The following TNS3 variants were observed in gnomAD, a reference collection of about 807,000 sequenced individuals.
TNS3 encodes the protein tensin-3.
Under a neutral mutation model 140.9 loss-of-function variants are expected in TNS3, and 45 were observed. The observed-to-expected ratio is 0.32, with a 90% CI of 0.25 to 0.41. The LOEUF is 0.41. Among genes scored for constraint, TNS3 ranks in the 10% least tolerant of loss-of-function variants. The probability of loss-of-function intolerance (pLI) is 1.00; values close to 1 mark genes in which losing one functional copy is unlikely to be tolerated. For synonymous variants in TNS3, 815 were observed against 788.4 expected (o/e 1.03, Z -0.56); for missense variants, 1,716 against 1,906.7 (o/e 0.90, Z 1.86).
intron 9 of TNS3, among the ~76,000 whole-genome samples, chr7:47,426,090 G>A (rs1262026861): frequency 6.6e-6 from 1 of 152,110 alleles, no homozygotes; most frequent in Non-Finnish European, 1.5e-5. Flanking sequence ...AGACCAGCCT[G>A]TCCAACATGG....
chr7:47,283,795 G>T lies in TNS3; in HGVS notation c.3999C>A (p.Ala1333=). Residue 1333 remains alanine, a synonymous_variant, in exon 28 of 31, where the codon GCC becomes GCA. Coordinates refer to ENST00000311160, the MANE Select transcript of TNS3 (RefSeq NM_022748.12). ...SLTGHQAIQK[A]LSITLVQEPP... ...GCTCCTGGACCAGGGTGATGCTCAG[G>T]GCCTTCTGGATCGCCTGGTGGCCGG... 6.2e-7 allele frequency: 1 copy of T among 1,612,382 alleles called. No individual in the cohort carries two copies. Among genetic ancestry groups the T allele is most frequent in the African/African-American group, 1.3e-5 (1 of 74,950 alleles).
At chr7:47,479,488 A>AC (rs201074637) in intron 4 of TNS3, among the ~76,000 whole-genome samples, 5 of 38,970 alleles carry the variant, frequency 1.3e-4, no homozygotes, top group Admixed American at 5.5e-4. Flanking sequence ...CTACTCCCCC[A>AC]CCCCCCCGTC....
intron 2 of TNS3, among the ~76,000 whole-genome samples, chr7:47,511,132 A>G (rs984964207): frequency 2.0e-5 from 3 of 152,228 alleles, no homozygotes; most frequent in African/African-American, 7.2e-5. Flanking sequence ...GAAAAACTCT[A>G]CTGACACAAT....
intron 4 of TNS3, among the ~76,000 whole-genome samples, chr7:47,462,437 T>C (rs1187600496): frequency 6.6e-6 from 1 of 152,214 alleles, no homozygotes; most frequent in South Asian, 2.1e-4. Flanking sequence ...TGTTGATCAG[T>C]TCGTGAAAAC....
intron 15 of TNS3, 151 bp downstream of exon 15, chr7:47,400,242 T>C (rs1793077143): frequency 2.9e-6 from 2 of 685,496 alleles, no homozygotes; most frequent in Non-Finnish European, 4.8e-6. Flanking sequence ...CTTGTTCCAC[T>C]ATCCAATATC....
intron 23 of TNS3, among the ~76,000 whole-genome samples, chr7:47,298,658 A>G (rs1354784258): frequency 1.3e-5 from 2 of 152,250 alleles, no homozygotes; most frequent in Non-Finnish European, 2.9e-5. Flanking sequence ...AACATGAACC[A>G]GTAAGTGCTG....
rs115263627 is a variant in TNS3, at chr7:47,348,593, G to A, written c.2282-2237C>T. ...AAATGGCTATGCAAATCACCGATTTGAGCATTGTACATTGTATACATTTAT... is the reference window on the plus strand; with the variant it reads ...AAATGGCTATGCAAATCACCGATTTAAGCATTGTACATTGTATACATTTAT... On this transcript the variant is annotated intron_variant, in intron 17 of 30. Transcript: ENST00000311160. 4.3e-3 allele frequency among the ~76,000 whole-genome samples: 650 copies of A among 152,332 alleles called. 2 individuals are homozygous for A. The highest frequency in any genetic ancestry group is 0.015 in the African/African-American group (612 of 41,592).
At chr7:47,481,798 A>G in intron 3 of TNS3, 1 of 664,550 alleles carries the variant, frequency 1.5e-6, no homozygotes, top group Non-Finnish European at 1.9e-6. Context: ...AGTTAGTAAC[A>G]GGCACAGGGA....
At chr7:47,372,115 C>T (rs1173832476) in intron 16 of TNS3, among the ~76,000 whole-genome samples, 3 of 152,194 alleles carry the variant, frequency 2.0e-5, no homozygotes, top group African/African-American at 7.2e-5. Context: ...GAAGGAGGTG[C>T]TGATAAACGG....
chr7:47,439,828 A>G (rs913826029), intron 5 of TNS3, among the ~76,000 whole-genome samples, 170 bp from the exon 6 acceptor site: 3 of 152,180 alleles, frequency 2.0e-5, no homozygotes, highest in Non-Finnish European at 4.4e-5. Context: ...CTGTGTTCCC[A>G]TAACAGCGGG....
chr7:47,428,899 G>C (rs1794794108), intron 8 of TNS3, among the ~76,000 whole-genome samples: 1 of 152,152 alleles, frequency 6.6e-6, no homozygotes, highest in Non-Finnish European at 1.5e-5. Flanking sequence ...CACTGTCCCA[G>C]GCAGAAGTTC....
intron 3 of TNS3, among the ~76,000 whole-genome samples, chr7:47,504,726 G>A (rs1368182058): frequency 1.3e-5 from 2 of 152,210 alleles, no homozygotes; most frequent in African/African-American, 4.8e-5. Flanking sequence ...TACCCTGCAG[G>A]AGCAGCTGGG....
At chr7:47,559,678 C>A (rs1351524751) in intron 1 of TNS3, among the ~76,000 whole-genome samples, 1 of 152,104 alleles carries the variant, frequency 6.6e-6, no homozygotes, top group Non-Finnish European at 1.5e-5. Flanking sequence ...CATCAAAGTT[C>A]ACAGCATCCT....
At chr7:47,568,317 T>C (rs1800475367) in intron 1 of TNS3, among the ~76,000 whole-genome samples, 1 of 152,006 alleles carries the variant, frequency 6.6e-6, no homozygotes, top group African/African-American at 2.4e-5. Flanking sequence ...AACTGGGGGC[T>C]CCAGAGCAGG....
At chr7:47,378,317 C>A (rs1291628936) in intron 16 of TNS3, among the ~76,000 whole-genome samples, 1 of 152,210 alleles carries the variant, frequency 6.6e-6, no homozygotes. Context: ...CGCAGGTCCA[C>A]TGACCTCCCG....
At chr7:47,580,408 C>T (rs1784498119) in intron 1 of TNS3, among the ~76,000 whole-genome samples, 1 of 152,228 alleles carries the variant, frequency 6.6e-6, no homozygotes, top group African/African-American at 2.4e-5. Flanking sequence ...AACACTCAAT[C>T]GGTATGCCTG....
At chr7:47,312,488 A>C (rs1186209966) in intron 20 of TNS3, among the ~76,000 whole-genome samples, 1 of 151,802 alleles carries the variant, frequency 6.6e-6, no homozygotes, top group Non-Finnish European at 1.5e-5. Context: ...GGATCACCTG[A>C]GGTTAGAAGT....
intron 4 of TNS3, among the ~76,000 whole-genome samples, chr7:47,451,397 TG>T (rs1463846137): frequency 2.0e-5 from 3 of 152,176 alleles, no homozygotes. Flanking sequence ...CTGGCCAACA[TG>T]GCGAAATCCT....
At chr7:47,424,256 G>T in intron 9 of TNS3, 72 bp from the exon 10 acceptor site, 2 of 1,497,674 alleles carry the variant, frequency 1.3e-6, no homozygotes, top group Non-Finnish European at 1.8e-6. Context: ...GACGGGGGAT[G>T]TGTCTCATGG....
Sources: gnomAD v4.1 joint callset for allele counts (sites outside exome capture counted in the v4.1 genomes callset) on GRCh38, gnomAD v4.1.1 for gene constraint, MANE v1.5 for transcripts, NCBI Gene and HGNC (gene_info 2026-07-23, HGNC 2026-07-21) for gene names.